Variants in ERP44 observed in about 807,000 individuals in gnomAD.
The protein encoded by ERP44 is endoplasmic reticulum resident protein 44.
ERP44 carries 25 observed loss-of-function variants against 53.4 expected under a neutral mutation model. The observed-to-expected ratio is 0.47, with a 90% CI of 0.34 to 0.65. The LOEUF is 0.65. ERP44 is among the 30% of genes least tolerant of loss of function. The pLI, the probability that ERP44 is intolerant of heterozygous loss-of-function variation, is 0.01. For synonymous variants in ERP44, 145 were observed against 161.2 expected (o/e 0.90, Z 0.76); for missense variants, 338 against 493.2 (o/e 0.69, Z 2.98).
chr9:100,043,291 A>G (rs7870393), intron 4 of ERP44, among the ~76,000 whole-genome samples: 12,637 of 73,974 alleles, frequency 0.17, 2,636 homozygotes, highest in African/African-American at 0.25. Flanking sequence ...AAAAAAAAAA[A>G]GATAAATAAG....
intron 4 of ERP44, among the ~76,000 whole-genome samples, chr9:100,040,792 TAAAC>T (rs775511328): frequency 1.3e-5 from 2 of 152,256 alleles, no homozygotes; most frequent in African/African-American, 2.4e-5. Context: ...TAAGAACTGA[TAAAC>T]AAATTCAATA....
chr9:100,076,191 T>TCTAGATGGGTGC (rs1192727955), intron 1 of ERP44, among the ~76,000 whole-genome samples: 2 of 152,210 alleles, frequency 1.3e-5, no homozygotes, highest in East Asian at 3.8e-4. Flanking sequence ...ACTGGGTGCT[T>TCTAGATGGGTGC]TCTGACCCAT....
intron 4 of ERP44, among the ~76,000 whole-genome samples, chr9:100,035,171 A>T (rs909055469): frequency 6.6e-6 from 1 of 152,166 alleles, no homozygotes. Context: ...TTGGCAAAAA[A>T]TTTATGGCTA....
At chr9:99,988,782 G>A (rs1210293454) in intron 10 of ERP44, among the ~76,000 whole-genome samples, 2 of 152,172 alleles carry the variant, frequency 1.3e-5, no homozygotes, top group South Asian at 2.1e-4. Context: ...CCTAGCCAAG[G>A]GAAGCCATGA....
At chr9:100,006,138 G>A (rs1830423161) in intron 10 of ERP44, among the ~76,000 whole-genome samples, 1 of 152,116 alleles carries the variant, frequency 6.6e-6, no homozygotes, top group Non-Finnish European at 1.5e-5. Context: ...CCTTTACCCT[G>A]GCCTAAGGTT....
At chr9:100,096,580 G>A (rs1038921921) in intron 1 of ERP44, among the ~76,000 whole-genome samples, 1 of 152,042 alleles carries the variant, frequency 6.6e-6, no homozygotes, top group East Asian at 1.9e-4. Context: ...TGTTTCAACT[G>A]TTATCTTATA....
intron 3 of ERP44, among the ~76,000 whole-genome samples, chr9:100,054,698 G>GA (rs1311100491): frequency 3.9e-5 from 6 of 152,048 alleles, no homozygotes; most frequent in Non-Finnish European, 8.8e-5. Flanking sequence ...TACCAAATCT[G>GA]AAAAAATCCA....
At chr9:100,097,821 C>A (rs72733319) in intron 1 of ERP44, among the ~76,000 whole-genome samples, 1 of 152,304 alleles carries the variant, frequency 6.6e-6, no homozygotes, top group Non-Finnish European at 1.5e-5. Context: ...CTGTAACTAG[C>A]TGTGTGACTT....
chr9:100,046,397 A>T (rs902227692), intron 4 of ERP44, among the ~76,000 whole-genome samples: 22 of 152,202 alleles, frequency 1.4e-4, no homozygotes, highest in Non-Finnish European at 3.2e-4. Context: ...GTAATATAAG[A>T]TGTTGATGTT....
intron 4 of ERP44, among the ~76,000 whole-genome samples, chr9:100,040,071 C>T (rs559099380): frequency 1.3e-5 from 2 of 152,220 alleles, no homozygotes; most frequent in East Asian, 1.9e-4. Context: ...GATGGTTTCA[C>T]TGCTGAATCC....
chr9:100,055,618 G>A (rs527538745), intron 3 of ERP44, among the ~76,000 whole-genome samples: 5 of 152,302 alleles, frequency 3.3e-5, no homozygotes, highest in South Asian at 2.1e-4. Flanking sequence ...TGACCTGCCC[G>A]CCTCGGCCTT....
chr9:100,089,089 G>C (rs1211069284), intron 1 of ERP44, among the ~76,000 whole-genome samples: 1 of 152,172 alleles, frequency 6.6e-6, no homozygotes, highest in Non-Finnish European at 1.5e-5. Context: ...TAAGTAGTGT[G>C]ATGAAGTCTC....
rs557455642 is a variant in ERP44 at position 100,068,454 on chromosome 9, C to T, written c.58-8282G>A. Among the ~76,000 whole-genome samples the T allele has an allele frequency of 1.1e-3, 154 of 135,854 alleles. 1 individual carries two copies. The highest frequency in any genetic ancestry group is 4.1e-3 in the African/African-American group (151 of 36,988). 89.1% of individuals were successfully genotyped at this position (135,854 alleles called of 152,430 possible). ...CCGGGAGGTGAGAGGTGCCTCTGCCCGGCCGCCCCTACTGGGAAGTGAGGA... is the reference window on the plus strand; with the variant it reads ...CCGGGAGGTGAGAGGTGCCTCTGCCTGGCCGCCCCTACTGGGAAGTGAGGA... On this transcript the variant is annotated intron_variant, in intron 1 of 11. Transcript: ENST00000262455.
rs1402305209 is a variant in ERP44 at position 100,016,337 on chromosome 9, T to C, written c.747A>G (p.Thr249=). The C allele has an allele frequency of 6.2e-7, 1 of 1,609,162 alleles. No homozygotes were observed. The highest frequency in any genetic ancestry group is 8.5e-7 in the Non-Finnish European group (1 of 1,178,638). The change falls in exon 8 of 12, where the codon ACA becomes ACG. Residue 249 remains threonine (T), a synonymous_variant. Transcript: ENST00000262455. ...DKCVPLVREI[T]FENGEELTEE... ...AAGCCCATACCTCTCCATTTTCAAA[T>C]GTTATTTCTCGGACAAGAGGAACAC...
At chr9:100,005,567 C>T (rs1400555082) in intron 10 of ERP44, among the ~76,000 whole-genome samples, 1 of 151,898 alleles carries the variant, frequency 6.6e-6, no homozygotes, top group Non-Finnish European at 1.5e-5. Context: ...TATAACAATC[C>T]CATTAGGTAG....
intron 4 of ERP44, among the ~76,000 whole-genome samples, chr9:100,024,146 C>T (rs910555168): frequency 1.4e-5 from 2 of 140,996 alleles, no homozygotes; most frequent in Admixed American, 1.4e-4. Flanking sequence ...AGAGTGAAAC[C>T]CTGACTCAAC....
At chr9:100,012,645 A>G (rs531555751) in intron 8 of ERP44, among the ~76,000 whole-genome samples, 90 of 152,352 alleles carry the variant, frequency 5.9e-4, no homozygotes, top group African/African-American at 2.0e-3. Flanking sequence ...AAAATGTACC[A>G]TGCTGACATA....
intron 4 of ERP44, among the ~76,000 whole-genome samples, chr9:100,036,474 T>C (rs546706961): frequency 4.9e-4 from 75 of 152,270 alleles, no homozygotes; most frequent in African/African-American, 1.7e-3. Context: ...ATGAGAACAA[T>C]AGACACTGTG....
chr9:99,993,539 G>A (rs1830277706), intron 10 of ERP44, among the ~76,000 whole-genome samples: 1 of 152,114 alleles, frequency 6.6e-6, no homozygotes, highest in African/African-American at 2.4e-5. Context: ...TTAAATGTTA[G>A]ACCTAAAACC....
Sources: gnomAD v4.1 joint callset for allele counts (sites outside exome capture counted in the v4.1 genomes callset) on GRCh38, gnomAD v4.1.1 for gene constraint, MANE v1.5 for transcripts, NCBI Gene and HGNC (gene_info 2026-07-23, HGNC 2026-07-21) for gene names.